AGBL4: variants seen among roughly 807,000 people sequenced by gnomAD.
AGBL4 encodes cytosolic carboxypeptidase 6.
In AGBL4, 58 loss-of-function variants were observed where a neutral mutation model predicts 66.4. The ratio of observed to expected loss-of-function variants is 0.87; its 90% CI spans 0.71 to 1.09. AGBL4 has a LOEUF of 1.09. Among genes scored for constraint, AGBL4 ranks in the 50% least tolerant of loss-of-function variants. The probability of loss-of-function intolerance (pLI) is 0.00; values close to 1 mark genes in which losing one functional copy is unlikely to be tolerated. For synonymous variants in AGBL4, 234 were observed against 222.9 expected (o/e 1.05, Z -0.44); for missense variants, 579 against 631.0 (o/e 0.92, Z 0.88).
At chr1:48,529,573 T>A (rs868323364), downstream of AGBL4, among the ~76,000 whole-genome samples, 1 of 152,188 alleles carries the variant, frequency 6.6e-6, no homozygotes, top group Middle Eastern at 3.4e-3. Flanking sequence ...TTACGTTATG[T>A]CTCCCCTCTG....
chr1:48,711,692 CT>C (rs1306833416), intron 6 of AGBL4, among the ~76,000 whole-genome samples: 1 of 148,000 alleles, frequency 6.8e-6, no homozygotes, highest in Non-Finnish European at 1.5e-5. Flanking sequence ...GCCCTTGCCC[CT>C]CCATTCCTGT....
At chr1:49,263,507 T>C (rs1653435010) in intron 3 of AGBL4, among the ~76,000 whole-genome samples, 1 of 151,980 alleles carries the variant, frequency 6.6e-6, no homozygotes, top group Admixed American at 6.6e-5. Flanking sequence ...AGGAGGAATA[T>C]AAAGGTTTGT....
intron 5 of AGBL4, among the ~76,000 whole-genome samples, chr1:49,033,672 A>G (rs934185365): frequency 2.6e-5 from 4 of 151,986 alleles, no homozygotes; most frequent in African/African-American, 9.7e-5. Context: ...GAATCTGCCA[A>G]ACTCTGTATC....
At chr1:49,442,956 T>C (rs1186723840) in intron 3 of AGBL4, among the ~76,000 whole-genome samples, 2 of 152,170 alleles carry the variant, frequency 1.3e-5, no homozygotes, top group African/African-American at 4.8e-5. Context: ...TCTTTTGACT[T>C]TTTAATAACA....
intron 8 of AGBL4, among the ~76,000 whole-genome samples, chr1:48,646,513 ATGTGTGTGTGTGTG>A (rs61233999): frequency 2.2e-4 from 29 of 131,526 alleles, no homozygotes; most frequent in East Asian, 1.4e-3. Flanking sequence ...ACCAGTTATA[ATGTGTGTGTGTGTG>A]TGTGTGTGTG....
At chr1:49,050,725 C>A (rs1040024065) in intron 4 of AGBL4, among the ~76,000 whole-genome samples, 7 of 152,074 alleles carry the variant, frequency 4.6e-5, no homozygotes, top group African/African-American at 1.7e-4. Context: ...AATGATAGTT[C>A]CTCTTTGAAG....
At chr1:49,003,432 T>C (rs1048832274) in intron 5 of AGBL4, among the ~76,000 whole-genome samples, 2 of 151,814 alleles carry the variant, frequency 1.3e-5, no homozygotes, top group South Asian at 4.2e-4. Flanking sequence ...AATAAATAAA[T>C]AAAATAAAAT....
chr1:49,985,656 T>C (rs1659443340), intron 1 of AGBL4, among the ~76,000 whole-genome samples: 1 of 152,206 alleles, frequency 6.6e-6, no homozygotes, highest in South Asian at 2.1e-4. Flanking sequence ...ACAACATATT[T>C]GTTTGCTGTT....
Position 49,580,594 on chromosome 1 carries a change from G to A in AGBL4, c.282+116719C>T, listed in dbSNP as rs1019369887. 6.6e-4 allele frequency among the ~76,000 whole-genome samples: 101 copies of A among 152,138 alleles called. 1 individual carries two copies. The highest frequency in any genetic ancestry group is 2.4e-3 in the African/African-American group (98 of 41,426). On this transcript the variant is annotated intron_variant, in intron 3 of 13. Transcript: ENST00000371839. ...GTAGAACTGGACTGGTGGTAATAAA[G>A]TCCCTCAGCATTTGCTTGTCTGGGA...
chr1:49,591,560 C>T (rs1205148183), intron 3 of AGBL4, among the ~76,000 whole-genome samples: 1 of 152,120 alleles, frequency 6.6e-6, no homozygotes, highest in Non-Finnish European at 1.5e-5. Context: ...CTACCAATGA[C>T]ATTCTTCACA....
chr1:49,871,045 T>C (rs1043791406), intron 1 of AGBL4, among the ~76,000 whole-genome samples: 1 of 152,046 alleles, frequency 6.6e-6, no homozygotes, highest in African/African-American at 2.4e-5. Flanking sequence ...GGGACTATCA[T>C]GGAAGAGGCG....
chr1:48,704,447 A>T (rs1343926127), intron 6 of AGBL4, among the ~76,000 whole-genome samples: 1 of 152,210 alleles, frequency 6.6e-6, no homozygotes, highest in Non-Finnish European at 1.5e-5. Context: ...AATTTTTTTA[A>T]CTTTTTGACT....
intron 4 of AGBL4, among the ~76,000 whole-genome samples, chr1:49,072,460 T>C (rs1644626396): frequency 6.6e-6 from 1 of 152,200 alleles, no homozygotes; most frequent in Non-Finnish European, 1.5e-5. Context: ...CTCTCAGCAT[T>C]TGCTTGTCTG....
chr1:49,427,242 C>T (rs1645682239), intron 3 of AGBL4, among the ~76,000 whole-genome samples: 1 of 152,076 alleles, frequency 6.6e-6, no homozygotes, highest in Admixed American at 6.6e-5. Flanking sequence ...AGTAAACAGA[C>T]TTTTTGTTCT....
At chr1:49,415,821 T>C (rs757412139) in intron 3 of AGBL4, among the ~76,000 whole-genome samples, 1 of 152,088 alleles carries the variant, frequency 6.6e-6, no homozygotes, top group Non-Finnish European at 1.5e-5. Context: ...AGAAGTTAAG[T>C]GAAAGTAATT....
intron 5 of AGBL4, among the ~76,000 whole-genome samples, chr1:48,934,433 A>G (rs1315454426): frequency 6.6e-6 from 1 of 152,138 alleles, no homozygotes; most frequent in Non-Finnish European, 1.5e-5. Context: ...TGAAATTGGG[A>G]GGATATATTA....
At chr1:48,832,508 CT>C (rs1646577625) in intron 6 of AGBL4, among the ~76,000 whole-genome samples, 1 of 152,126 alleles carries the variant, frequency 6.6e-6, no homozygotes, top group African/African-American at 2.4e-5. Flanking sequence ...AGGTTCAGGG[CT>C]TGGAATTCTT....
At chr1:48,598,414 C>G (rs1421926177) in intron 9 of AGBL4, among the ~76,000 whole-genome samples, 1 of 152,094 alleles carries the variant, frequency 6.6e-6, no homozygotes, top group Non-Finnish European at 1.5e-5. Context: ...CTACTACACA[C>G]CTAGGGTATA....
intron 2 of AGBL4, among the ~76,000 whole-genome samples, chr1:49,748,768 C>G (rs1651206130): frequency 6.6e-6 from 1 of 152,090 alleles, no homozygotes; most frequent in African/African-American, 2.4e-5. Context: ...CGATGATGAG[C>G]TTTTTTTCAC....
Sources: allele counts gnomAD v4.1 joint callset (sites outside exome capture counted in the v4.1 genomes callset), GRCh38; gene constraint gnomAD v4.1.1; transcripts MANE v1.5; gene names NCBI Gene and HGNC (gene_info 2026-07-23, HGNC 2026-07-21).